SUGCT: variants seen among roughly 807,000 people sequenced by gnomAD.
SUGCT encodes succinyl-CoA:glutarate-CoA transferase, also known as succinyl-CoA:glutarate CoA-transferase.
Under a neutral mutation model 55.0 loss-of-function variants are expected in SUGCT, and 41 were observed. That is an observed-to-expected ratio of 0.74 (90% CI 0.58 to 0.97). The LOEUF (loss-of-function observed/expected upper bound fraction) is 0.97, where lower values mean the gene tolerates loss of function less well. Among genes scored for constraint, SUGCT ranks in the 50% least tolerant of loss-of-function variants. The probability of loss-of-function intolerance (pLI) is 0.00; values close to 1 mark genes in which losing one functional copy is unlikely to be tolerated. For missense variants in SUGCT, 568 were observed against 547.8 expected, an observed-to-expected ratio of 1.04 and a Z score of -0.37; for synonymous variants, 187 against 200.4, an observed-to-expected ratio of 0.93 and a Z score of 0.56.
intron 7 of SUGCT, among the ~76,000 whole-genome samples, chr7:40,274,305 A>G (rs1029467633): frequency 1.3e-5 from 2 of 151,898 alleles, no homozygotes; most frequent in African/African-American, 4.8e-5. Context: ...AGAGAAATGC[A>G]CTGAGAAGTA....
intron 6 of SUGCT, among the ~76,000 whole-genome samples, chr7:40,207,440 A>C (rs1226154796): frequency 1.3e-5 from 2 of 152,160 alleles, no homozygotes; most frequent in African/African-American, 2.4e-5. Flanking sequence ...GGATACAGAG[A>C]AATTGGTACC....
chr7:40,420,805 A>G (rs568076385), intron 9 of SUGCT, among the ~76,000 whole-genome samples: 1 of 151,882 alleles, frequency 6.6e-6, no homozygotes, highest in East Asian at 1.9e-4. Context: ...ACACACAGAC[A>G]CACACACACA....
chr7:40,723,946 C>T (rs1000711932), intron 12 of SUGCT, among the ~76,000 whole-genome samples: 26 of 152,106 alleles, frequency 1.7e-4, no homozygotes, highest in African/African-American at 6.0e-4. Flanking sequence ...TGTGTATTTC[C>T]TGTCTGTTTC....
the SUGCT span, among the ~76,000 whole-genome samples, chr7:40,989,870 A>G: frequency 7.2e-4 from 109 of 152,308 alleles, no homozygotes; most frequent in African/African-American, 1.9e-3. Context: ...TATATTTCCA[A>G]TTCTAGTTAT....
At chr7:40,957,695 T>A in the SUGCT span, among the ~76,000 whole-genome samples, 4 of 152,184 alleles carry the variant, frequency 2.6e-5, no homozygotes, top group African/African-American at 9.6e-5. Context: ...TATGTCATTA[T>A]CCTGTCAATA....
chr7:40,860,294 T>G (rs1185189373), intron 13 of SUGCT, 22 bp from the exon 14 acceptor site: 1 of 1,613,864 alleles, frequency 6.2e-7, no homozygotes. Flanking sequence ...ACAGGCTTCC[T>G]GCTTTCCTTC....
chr7:40,145,991 G>A (rs1052523950), intron 1 of SUGCT, among the ~76,000 whole-genome samples: 16 of 152,196 alleles, frequency 1.1e-4, no homozygotes, highest in Non-Finnish European at 1.6e-4. Context: ...GATCCTGTTA[G>A]GAAACCTGCT....
intron 1 of SUGCT, among the ~76,000 whole-genome samples, chr7:40,179,513 C>T (rs781342526): frequency 1.3e-5 from 2 of 152,096 alleles, no homozygotes; most frequent in Admixed American, 6.6e-5. Context: ...GAACTCCTGA[C>T]CTCAGGTGAT....
chr7:40,213,167 T>C (rs905672505), intron 6 of SUGCT, among the ~76,000 whole-genome samples: 1 of 152,152 alleles, frequency 6.6e-6, no homozygotes, highest in Non-Finnish European at 1.5e-5. Context: ...GTTAAAATCT[T>C]TATTATTCAA....
chr7:40,651,110 C>G (rs1432554979), intron 12 of SUGCT, among the ~76,000 whole-genome samples: 2 of 152,116 alleles, frequency 1.3e-5, no homozygotes, highest in Admixed American at 6.6e-5. Flanking sequence ...TTTTCTTTAT[C>G]TGCTCTATCA....
chr7:40,239,209 T>G (rs1789203813), intron 7 of SUGCT, among the ~76,000 whole-genome samples: 1 of 152,110 alleles, frequency 6.6e-6, no homozygotes, highest in African/African-American at 2.4e-5. Context: ...GCCTCCAACA[T>G]AGCTTGGACT....
the SUGCT span, among the ~76,000 whole-genome samples, chr7:40,996,166 A>G: frequency 2.0e-5 from 3 of 152,160 alleles, no homozygotes; most frequent in East Asian, 5.8e-4. Flanking sequence ...TCTCCCTCCT[A>G]TGTTGGTGGC....
At chr7:40,333,226 C>T (rs950782756) in intron 9 of SUGCT, among the ~76,000 whole-genome samples, 6 of 151,710 alleles carry the variant, frequency 4.0e-5, no homozygotes, top group African/African-American at 1.5e-4. Context: ...ATTTTATGTA[C>T]AGAATGATGA....
At chr7:40,432,756 T>G (rs1157692164) in intron 9 of SUGCT, among the ~76,000 whole-genome samples, 1 of 151,950 alleles carries the variant, frequency 6.6e-6, no homozygotes, top group Non-Finnish European at 1.5e-5. Flanking sequence ...CAATTTAATT[T>G]CAATGTATTG....
chr7:40,666,573 A>G (rs535707803), intron 12 of SUGCT, among the ~76,000 whole-genome samples: 1 of 152,102 alleles, frequency 6.6e-6, no homozygotes, highest in Non-Finnish European at 1.5e-5. Flanking sequence ...GACCAATGAT[A>G]TGAACAAGCT....
chr7:40,799,295 T>C (rs969468938), intron 13 of SUGCT, among the ~76,000 whole-genome samples: 18 of 152,208 alleles, frequency 1.2e-4, no homozygotes, highest in African/African-American at 4.3e-4. Flanking sequence ...TTAACTAACA[T>C]CAAGGTTATT....
At chr7:40,407,211 G>A (rs1220913380) in intron 9 of SUGCT, among the ~76,000 whole-genome samples, 1 of 152,086 alleles carries the variant, frequency 6.6e-6, no homozygotes, top group Admixed American at 6.5e-5. Context: ...TGCCGTTCAC[G>A]TATCTTTGTT....
intron 9 of SUGCT, among the ~76,000 whole-genome samples, chr7:40,445,434 C>G (rs1056156221): frequency 6.6e-6 from 1 of 152,042 alleles, no homozygotes; most frequent in Non-Finnish European, 1.5e-5. Context: ...TACACCCTCC[C>G]AAGACTAAAC....
At chr7:40,987,719 G>A in the SUGCT span, among the ~76,000 whole-genome samples, 3 of 152,148 alleles carry the variant, frequency 2.0e-5, no homozygotes, top group Non-Finnish European at 4.4e-5. Context: ...TAAACAGAGA[G>A]TATTTGCATA....
Sources: allele counts gnomAD v4.1 joint callset (sites outside exome capture counted in the v4.1 genomes callset), GRCh38; gene constraint gnomAD v4.1.1; transcripts MANE v1.5; gene names NCBI Gene and HGNC (gene_info 2026-07-23, HGNC 2026-07-21).